The following SH3BP1 variants were observed in gnomAD, a reference collection of about 807,000 sequenced individuals.
The protein encoded by SH3BP1 is SH3 domain-binding protein 1.
A neutral mutation model predicts 69.8 loss-of-function variants in SH3BP1; 46 were observed. The ratio of observed to expected loss-of-function variants is 0.66; its 90% confidence interval spans 0.52 to 0.84. The LOEUF (loss-of-function observed/expected upper bound fraction) is 0.84, where lower values mean the gene tolerates loss of function less well. Ranked by LOEUF, SH3BP1 falls within the 40% of genes least tolerant of loss-of-function variation. The probability of loss-of-function intolerance (pLI) is 0.00; values close to 1 mark genes in which losing one functional copy is unlikely to be tolerated. For missense variants in SH3BP1, 868 were observed against 930.9 expected, an observed-to-expected ratio of 0.93 and a Z score of 0.88; for synonymous variants, 403 against 378.0, an observed-to-expected ratio of 1.07 and a Z score of -0.77.
Position 37,645,193 on chromosome 22 carries a change from G to A in SH3BP1, c.779-172G>A, listed in dbSNP as rs1301735510. 7.2e-6 allele frequency: 7 copies of A among 978,788 alleles called. No individual in the cohort carries two copies. The Admixed American group carries it at 7.6e-5, about 11-fold the overall frequency. 60.6% of individuals were successfully genotyped at this position (978,788 alleles called of 1,614,324 possible). On this transcript the variant is annotated intron_variant, in intron 9 of 17. Transcript: ENST00000649765. Reference sequence around the variant, plus strand: ...AGGAGGCAACGGTGGCCTGGACTAGGACAGAGGCAGTGGAGGCGGGCTGAT... The same window carrying A: ...AGGAGGCAACGGTGGCCTGGACTAGAACAGAGGCAGTGGAGGCGGGCTGAT...
Position 37,641,080 on chromosome 22 carries a change from G to A in SH3BP1, c.60-46G>A, listed in dbSNP as rs1038860265. 52 of 1,337,742 alleles carry A rather than the reference G, an allele frequency of 3.9e-5. No homozygotes were observed. In the African/African-American group the frequency reaches 7.0e-4, roughly 18 times the overall value. 82.9% of individuals were successfully genotyped at this position (1,337,742 alleles called of 1,614,324 possible). On this transcript the variant is annotated intron_variant, in intron 1 of 17. Transcript: ENST00000649765. ...AGTAGGGGGCGTTCTAACCCAGGCAGGCTCAGCAGAAGCACTCTCCCCCCC... is the reference window on the plus strand; with the variant it reads ...AGTAGGGGGCGTTCTAACCCAGGCAAGCTCAGCAGAAGCACTCTCCCCCCC...
At chr22:37,652,049 G>A (rs139244474) in intron 16 of SH3BP1, among the ~76,000 whole-genome samples, 60 of 152,260 alleles carry the variant, frequency 3.9e-4, no homozygotes, top group East Asian at 1.5e-3. Flanking sequence ...CACGTGGCCC[G>A]GCACGGTGGC....
Position 37,642,543 on chromosome 22 carries a change from A to C in SH3BP1, c.212A>C (p.Lys71Thr). Reference sequence around the variant, plus strand: ...CCGGCCCCACCCTCCCTGCAGAAGAAGCTTCCCCTCATGGCTCTGTCCACC... The same window carrying C: ...CCGGCCCCACCCTCCCTGCAGAAGACGCTTCCCCTCATGGCTCTGTCCACC... ...SGADMDKRVK[K>T]LPLMALSTTM... is the part of the protein sequence containing the mutation. The change falls in exon 4 of 18, where the codon AAG (lysine) becomes ACG (threonine). Residue 71 changes from lysine to threonine, a missense_variant. Physicochemically the swap from Lys to Thr is moderately conservative, Grantham distance 78. Coordinates refer to ENST00000649765, the MANE Select transcript of SH3BP1 (RefSeq NM_018957.6). 1 of 1,613,122 alleles carries C rather than the reference A, an allele frequency of 6.2e-7. No homozygotes were observed. The highest frequency in any genetic ancestry group is 8.5e-7 in the Non-Finnish European group (1 of 1,179,924).
At chr22:37,646,709 G>A (rs1406649336) in intron 10 of SH3BP1, 109 bp from the exon 11 acceptor site, 2 of 539,160 alleles carry the variant, frequency 3.7e-6, no homozygotes, top group East Asian at 6.6e-5. Context: ...AGACCAGCGG[G>A]GACACAGGCC....
chr22:37,641,102 C>CCA (rs1555887900), intron 1 of SH3BP1, 24 bp from the exon 2 acceptor site: 3 of 1,227,086 alleles, frequency 2.4e-6, no homozygotes, highest in African/African-American at 1.6e-5. Flanking sequence ...GCACTCTCCC[C>CCA]CCCCCCCCCA....
chr22:37,651,303 G>A (rs1932874124), intron 16 of SH3BP1, among the ~76,000 whole-genome samples: 1 of 151,384 alleles, frequency 6.6e-6, no homozygotes, highest in African/African-American at 2.4e-5. Flanking sequence ...GAAAGTGCTG[G>A]GATTACAAGT....
At chr22:37,644,585 T>C (rs1371904728) in intron 7 of SH3BP1, 52 bp from the exon 8 acceptor site, 24 of 1,580,218 alleles carry the variant, frequency 1.5e-5, no homozygotes, top group Non-Finnish European at 2.1e-5. Flanking sequence ...CCTCTTCCCC[T>C]CTAGACCCCA....
At chr22:37,645,031 C>A in intron 9 of SH3BP1, 71 bp downstream of exon 9, 1 of 1,362,514 alleles carries the variant, frequency 7.3e-7, no homozygotes, top group Non-Finnish European at 1.0e-6. Flanking sequence ...GAAGCTCGCA[C>A]TTCATCCTGA....
intron 16 of SH3BP1, among the ~76,000 whole-genome samples, chr22:37,651,004 C>T (rs1256206496): frequency 2.6e-5 from 4 of 152,036 alleles, no homozygotes; most frequent in African/African-American, 9.7e-5. Context: ...AAGAGATGAT[C>T]ATTTTGGAAT....
rs1241904633 is a variant in SH3BP1 at position 37,655,608 on chromosome 22, C to T, written c.2030C>T (p.Ala677Val). The T allele has an allele frequency of 6.3e-7, 1 of 1,576,026 alleles. No homozygotes were observed. The highest frequency in any genetic ancestry group is 2.3e-5 in the East Asian group (1 of 44,004). Residue 677 changes from alanine to valine, a missense_variant, in exon 18 of 18, where the codon GCT becomes GTT. Ala to Val is a moderately conservative substitution (Grantham distance 64, BLOSUM62 0). Around this residue, in one of 3 missense-constraint regions of SH3BP1, gnomAD observed 474 missense variants for 462.3 expected, o/e 1.03. Coordinates refer to ENST00000649765, the MANE Select transcript of SH3BP1 (RefSeq NM_018957.6). Reference protein sequence around the residue: ...AATAEGGAPEAISGVPTPPAI... With the variant: ...AATAEGGAPEVISGVPTPPAI... ...ACAGCAGAGGGAGGAGCCCCTGAGG[C>T]TATCAGTGGGGTCCCCACTCCCCCA...
At position 37,644,629 on chromosome 22, in the gene SH3BP1, T is replaced by G; in HGVS notation, c.619-8T>G. 1 of 1,613,954 alleles carries G rather than the reference T, an allele frequency of 6.2e-7. No individual in the cohort carries two copies. Among genetic ancestry groups the G allele is most frequent in the South Asian group, 1.1e-5 (1 of 91,084 alleles). On this transcript the variant is annotated splice_region_variant and splice_polypyrimidine_tract_variant and intron_variant, in intron 7 of 17. Transcript: ENST00000649765. Reference sequence around the variant, plus strand: ...CCCAACGTAAGCTCTCCCCTCTCTGTCCCCAAGGACGAGTACTTGGCTGAC... The same window carrying G: ...CCCAACGTAAGCTCTCCCCTCTCTGGCCCCAAGGACGAGTACTTGGCTGAC...
In SH3BP1 at chr22:37,641,182, C is replaced by T. The variant is rs1285389733; in HGVS notation, c.102+14C>T. The T allele has an allele frequency of 9.2e-6, 14 of 1,527,996 alleles. No homozygotes were observed. Among genetic ancestry groups the T allele is most frequent in the Non-Finnish European group, 1.2e-5 (14 of 1,133,178 alleles). The allele number at this position is 1,527,996 out of a possible 1,614,324, so 94.7% of individuals were successfully genotyped here. ...GACCTGCTGCAGGTACGTGCCTGGG[C>T]CGGGCAGGTGGGAAGGCAGGCCTGT... is the stretch of plus-strand genomic sequence containing the variant. On this transcript the variant is annotated intron_variant, in intron 2 of 17. Coordinates refer to ENST00000649765, the MANE Select transcript of SH3BP1 (RefSeq NM_018957.6).
chr22:37,643,162 C>T lies in SH3BP1; in HGVS notation c.461C>T (p.Thr154Ile). 1 of 1,602,064 alleles carries T rather than the reference C, an allele frequency of 6.2e-7. No homozygotes were observed. ...SLQKLVSDWN[T>I]LKSRLSQATK... ...CAGAAGCTCGTGTCCGACTGGAACA[C>T]ACTCAAGAGCAGGTGGGAGCCCCAG... is the stretch of plus-strand genomic sequence containing the variant. The change falls in exon 6 of 18, where the codon ACA becomes ATA. Residue 154 changes from threonine to isoleucine, a missense_variant. Physicochemically the swap from Thr to Ile is moderately conservative, Grantham distance 89. Transcript: ENST00000649765.
intron 3 of SH3BP1, 55 bp downstream of exon 3, chr22:37,641,533 G>T: frequency 7.1e-7 from 1 of 1,413,168 alleles, no homozygotes; most frequent in African/African-American, 1.4e-5. Context: ...CCATCCAATG[G>T]GGAAGCAAGG....
intron 10 of SH3BP1, among the ~76,000 whole-genome samples, chr22:37,646,263 CTT>C (rs1273709050): frequency 6.7e-5 from 9 of 133,490 alleles, no homozygotes; most frequent in Non-Finnish European, 8.1e-5. Flanking sequence ...GCGCCCGACC[CTT>C]TTTTTTTTTT....
intron 17 of SH3BP1, among the ~76,000 whole-genome samples, chr22:37,654,582 A>G (rs929609662): frequency 3.3e-5 from 5 of 152,046 alleles, no homozygotes; most frequent in Admixed American, 2.6e-4. Flanking sequence ...AAAAAAAAAA[A>G]AAGAAAAAAG....
chr22:37,650,301 G>T, intron 15 of SH3BP1, 52 bp downstream of exon 15: 1 of 1,549,398 alleles, frequency 6.5e-7, no homozygotes, highest in South Asian at 1.2e-5. Context: ...CTTCTGCCCT[G>T]CTCCCTCCCC....
rs1317719718 is a variant in SH3BP1 at position 37,641,175 on chromosome 22, G to A, written c.102+7G>A. ...GGGTGAGGACCTGCTGCAGGTACGT[G>A]CCTGGGCCGGGCAGGTGGGAAGGCA... On this transcript the variant is annotated splice_region_variant and intron_variant, in intron 2 of 17. Coordinates refer to ENST00000649765, the MANE Select transcript of SH3BP1 (RefSeq NM_018957.6). 6.5e-7 allele frequency: 1 copy of A among 1,548,776 alleles called. No individual in the cohort carries two copies.
chr22:37,650,350 C>A, intron 15 of SH3BP1, 101 bp downstream of exon 15: 1 of 1,503,280 alleles, frequency 6.7e-7, no homozygotes, highest in South Asian at 1.3e-5. Context: ...AGGAGGAAGT[C>A]TGAGCCTCAG....
Sources: gnomAD v4.1 joint callset for allele counts (sites outside exome capture counted in the v4.1 genomes callset) on GRCh38, gnomAD v4.1.1 for gene constraint, gnomAD v4.1.1 regional missense constraint, MANE v1.5 for transcripts, NCBI Gene and HGNC (gene_info 2026-07-23, HGNC 2026-07-21) for gene names.